SGCG: variants seen among roughly 807,000 people sequenced by gnomAD.
SGCG encodes the protein gamma-sarcoglycan.
SGCG carries 26 observed loss-of-function variants against 29.3 expected under a neutral mutation model. That is an observed-to-expected ratio of 0.89 (90% confidence interval 0.65 to 1.23). SGCG has a LOEUF of 1.23. SGCG is among the 50% of genes most tolerant of loss of function. The pLI is 0.00. For synonymous variants in SGCG, 145 were observed against 129.7 expected (o/e 1.12, Z -0.80); for missense variants, 353 against 356.0 (o/e 0.99, Z 0.07).
chr13:23,269,856 C>CT lies in SGCG; in HGVS notation c.386-9495dup, dbSNP rs1555242088. Among the ~76,000 whole-genome samples the CT allele has an allele frequency of 1.5e-3, 199 of 131,204 alleles. 4 individuals are homozygous for CT. The East Asian group carries it at 0.039, about 26-fold the overall frequency. The allele number at this position is 131,204 out of a possible 152,430, so 86.1% of individuals were successfully genotyped here. On this transcript the variant is annotated intron_variant, in intron 4 of 7. Coordinates refer to ENST00000218867, the MANE Select transcript of SGCG (RefSeq NM_000231.3). ...GTATTTTGTTTTTTTTTTTGGTTTG[C>CT]TTTTTTTTGTTTTTTTTGTTTTTTT...
At chr13:23,319,717 TTC>T (rs1321178886) in intron 6 of SGCG, among the ~76,000 whole-genome samples, 1 of 152,182 alleles carries the variant, frequency 6.6e-6, no homozygotes, top group Non-Finnish European at 1.5e-5. Flanking sequence ...AGGTATCTTT[TTC>T]TGTTTGTTCT....
rs748332364 is a variant in SGCG, at chr13:23,324,418, G to C, written c.753G>C (p.Thr251=). 3 of 1,613,998 alleles carry C rather than the reference G, an allele frequency of 1.9e-6. No homozygotes were observed. The highest frequency in any genetic ancestry group is 2.5e-6 in the Non-Finnish European group (3 of 1,180,000). Residue 251 remains threonine, a synonymous_variant, in exon 8 of 8, where the codon ACG becomes ACC. Coordinates refer to ENST00000218867, the MANE Select transcript of SGCG (RefSeq NM_000231.3). ...GCTTACCCAAGCTGGTGCAGGGGAC[G>C]TGGGGTCCCTCTGGCAGCTCACAGA... ...TVCLPKLVQG[T]WGPSGSSQSL... is the part of the protein sequence containing the mutation.
intron 6 of SGCG, among the ~76,000 whole-genome samples, chr13:23,301,115 C>CA (rs1265883920): frequency 1.3e-5 from 2 of 151,014 alleles, no homozygotes. Flanking sequence ...GACTCCATCT[C>CA]AAAAAAAAGG....
chr13:23,317,265 C>G (rs1480689920), intron 6 of SGCG, among the ~76,000 whole-genome samples: 2 of 152,140 alleles, frequency 1.3e-5, no homozygotes, highest in Non-Finnish European at 1.5e-5. Context: ...TACAGGAGAT[C>G]CATTAGGGCA....
At chr13:23,268,321 C>T (rs1880723141) in intron 4 of SGCG, 1 of 152,182 alleles carries the variant, frequency 6.6e-6, no homozygotes, top group South Asian at 2.1e-4. Flanking sequence ...TTGATACCCT[C>T]ACATTGTGAC....
At chr13:23,259,136 A>G (rs939258739) in intron 4 of SGCG, among the ~76,000 whole-genome samples, 16 of 151,976 alleles carry the variant, frequency 1.1e-4, no homozygotes, top group African/African-American at 3.9e-4. Context: ...TCCTCTTTGT[A>G]CCTCTGGTAG....
At chr13:23,160,623 C>A in the SGCG span, among the ~76,000 whole-genome samples, 2 of 152,138 alleles carry the variant, frequency 1.3e-5, no homozygotes, top group Non-Finnish European at 2.9e-5. Context: ...TGTTTGCGCC[C>A]CGGGACTCCA....
chr13:23,185,769 T>G lies in SGCG; in HGVS notation c.-1+4694T>G, dbSNP rs573648682. Among the ~76,000 whole-genome samples the G allele has an allele frequency of 3.9e-5, 6 of 152,292 alleles. No homozygotes were observed. In the East Asian group the frequency reaches 1.2e-3, roughly 29 times the overall value. On this transcript the variant is annotated intron_variant, in intron 1 of 7. Transcript: ENST00000218867. ...CACTGATAAAACGTTGGAGTGTGCC[T>G]CTCATGGGGAAACACAGCCATGGGC...
intron 4 of SGCG, among the ~76,000 whole-genome samples, chr13:23,262,078 G>T (rs558907551): frequency 6.6e-6 from 1 of 151,762 alleles, no homozygotes; most frequent in African/African-American, 2.4e-5. Flanking sequence ...ATTCACAGGG[G>T]TTATAAAACA....
intron 7 of SGCG, 46 bp from the exon 8 acceptor site, chr13:23,324,322 G>T: frequency 6.3e-7 from 1 of 1,578,004 alleles, no homozygotes; most frequent in South Asian, 1.1e-5. Flanking sequence ...CTGCTGACCA[G>T]GGTGGCCCTT....
At chr13:23,209,039 G>T (rs927847459) in intron 2 of SGCG, among the ~76,000 whole-genome samples, 1 of 151,924 alleles carries the variant, frequency 6.6e-6, no homozygotes, top group Non-Finnish European at 1.5e-5. Context: ...TTATCATGAA[G>T]GTAAGATGAA....
intron 3 of SGCG, among the ~76,000 whole-genome samples, chr13:23,240,179 T>C: frequency 6.6e-6 from 1 of 152,174 alleles, no homozygotes; most frequent in East Asian, 1.9e-4. Flanking sequence ...GTGACTATAT[T>C]AAAACAGACA....
intron 6 of SGCG, among the ~76,000 whole-genome samples, chr13:23,300,766 A>T (rs1419412797): frequency 6.6e-6 from 1 of 151,406 alleles, no homozygotes; most frequent in Non-Finnish European, 1.5e-5. Flanking sequence ...CACATGACAT[A>T]AAGACACTTA....
chr13:23,249,613 A>C (rs1355282953), intron 3 of SGCG, among the ~76,000 whole-genome samples: 1 of 152,230 alleles, frequency 6.6e-6, no homozygotes. Flanking sequence ...AAAAACGTAC[A>C]TGGTAAAATT....
chr13:23,220,856 A>G (rs1242958315), intron 2 of SGCG, among the ~76,000 whole-genome samples: 1 of 152,236 alleles, frequency 6.6e-6, no homozygotes, highest in Non-Finnish European at 1.5e-5. Flanking sequence ...AGCCAAATCA[A>G]TCACTGACTA....
Position 23,190,259 on chromosome 13 carries a change from A to G in SGCG, c.-1+9184A>G, listed in dbSNP as rs1047925557. Among the ~76,000 whole-genome samples the G allele has an allele frequency of 2.3e-4, 35 of 152,262 alleles. 1 individual carries two copies. Among genetic ancestry groups the G allele is most frequent in the Middle Eastern group, 3.4e-3 (1 of 294 alleles). On this transcript the variant is annotated intron_variant, in intron 1 of 7. Coordinates refer to ENST00000218867, the MANE Select transcript of SGCG (RefSeq NM_000231.3). ...TAATATTAATAATATATGGCATTAT[A>G]GAGTTCTTCTGACTTGATATGAGTA...
At position 23,320,613 on chromosome 13, in the gene SGCG, TTGTG is replaced by T; in HGVS notation, c.579-23_579-20del. 4.3e-6 allele frequency: 6 copies of T among 1,390,590 alleles called. No individual in the cohort carries two copies. Among genetic ancestry groups the T allele is most frequent in the Admixed American group, 2.3e-5 (1 of 43,932 alleles). The allele number at this position is 1,390,590 out of a possible 1,614,324, so 86.1% of individuals were successfully genotyped here. A position where few individuals can be genotyped will look rare whatever the true frequency, so the allele number is the denominator to read the frequency against. On this transcript the variant is annotated intron_variant, in intron 6 of 7. Transcript: ENST00000218867. ...TTTTTAATACTTTTTTTTTTTTTTTTTGTGCTTCTTTTCCTCATCTCAGATTAGA... is the reference window on the plus strand; with the variant it reads ...TTTTTAATACTTTTTTTTTTTTTTTTCTTCTTTTCCTCATCTCAGATTAGA...
At chr13:23,269,693 C>T (rs367799769) in intron 4 of SGCG, among the ~76,000 whole-genome samples, 1 of 152,058 alleles carries the variant, frequency 6.6e-6, no homozygotes, top group Non-Finnish European at 1.5e-5. Flanking sequence ...TAAACATCTT[C>T]CTTATTATTT....
the SGCG span, among the ~76,000 whole-genome samples, chr13:23,172,667 T>C: frequency 2.0e-5 from 3 of 152,236 alleles, no homozygotes; most frequent in African/African-American, 4.8e-5. Context: ...TACTGATCAT[T>C]TCATTAATTT....
Sources: allele counts gnomAD v4.1 joint callset (sites outside exome capture counted in the v4.1 genomes callset), GRCh38; gene constraint gnomAD v4.1.1; transcripts MANE v1.5; gene names NCBI Gene and HGNC (gene_info 2026-07-23, HGNC 2026-07-21).